ROBO1: variants seen among roughly 807,000 people sequenced by gnomAD.
ROBO1 encodes the protein roundabout guidance receptor 1, also known as roundabout homolog 1.
Under a neutral mutation model 195.9 loss-of-function variants are expected in ROBO1, and 149 were observed. The ratio of observed to expected loss-of-function variants is 0.76; its 90% CI spans 0.67 to 0.87. The LOEUF is 0.87. ROBO1 is among the 40% of genes least tolerant of loss of function. ROBO1 has a pLI of 0.00. For missense variants in ROBO1, 1,933 were observed against 2,068.3 expected, an observed-to-expected ratio of 0.93 and a Z score of 1.27; for synonymous variants, 816 against 733.2, an observed-to-expected ratio of 1.11 and a Z score of -1.82.
chr3:79,095,611 T>A (rs2079552861), intron 3 of ROBO1, among the ~76,000 whole-genome samples: 2 of 152,104 alleles, frequency 1.3e-5, no homozygotes, highest in African/African-American at 4.8e-5. Flanking sequence ...ACTCCTGGAT[T>A]CTTTACCTTT....
chr3:79,379,795 G>A (rs1429492605), intron 2 of ROBO1, among the ~76,000 whole-genome samples: 1 of 152,048 alleles, frequency 6.6e-6, no homozygotes, highest in Non-Finnish European at 1.5e-5. Flanking sequence ...ACAAAAATCA[G>A]ACTCACTTGT....
Position 78,871,137 on chromosome 3 carries a change from T to C in ROBO1, c.499+67464A>G, listed in dbSNP as rs148810352. ...TTGTTTGATTCCAAGAGTCACCTTC[T>C]GAAAGAAAGCAAACCCAAAGCCATG... On this transcript the variant is annotated intron_variant, in intron 4 of 30. Transcript: ENST00000464233. Among the ~76,000 whole-genome samples, 30 of 152,240 alleles carry C rather than the reference T, an allele frequency of 2.0e-4. No homozygotes were observed. In the East Asian group the frequency reaches 4.4e-3, roughly 23 times the overall value.
intron 4 of ROBO1, among the ~76,000 whole-genome samples, chr3:78,841,575 A>G (rs528994452): frequency 1.4e-4 from 22 of 152,308 alleles, no homozygotes; most frequent in Admixed American, 5.9e-4. Flanking sequence ...GAAATAATTT[A>G]AGCCCTGGGC....
intron 2 of ROBO1, among the ~76,000 whole-genome samples, chr3:79,509,248 T>A (rs1244286681): frequency 1.3e-5 from 2 of 152,118 alleles, no homozygotes; most frequent in East Asian, 1.9e-4. Context: ...CTTTATTATT[T>A]TTTTTTTCTG....
intron 3 of ROBO1, among the ~76,000 whole-genome samples, chr3:79,121,167 G>GA (rs1424660978): frequency 1.3e-5 from 2 of 152,114 alleles, no homozygotes; most frequent in Non-Finnish European, 2.9e-5. Context: ...AAAGTGCTCA[G>GA]AAAATGGCCT....
At chr3:78,724,993 C>T (rs1391511823) in intron 5 of ROBO1, among the ~76,000 whole-genome samples, 5 of 152,140 alleles carry the variant, frequency 3.3e-5, no homozygotes, top group Non-Finnish European at 7.3e-5. Flanking sequence ...CAATGTTAAA[C>T]ACTGAACTGC....
At chr3:78,928,226 A>C (rs2039320733) in intron 4 of ROBO1, among the ~76,000 whole-genome samples, 1 of 152,224 alleles carries the variant, frequency 6.6e-6, no homozygotes, top group Admixed American at 6.5e-5. Context: ...GTAACTAAAA[A>C]GAGTATCCAC....
chr3:78,626,131 C>A (rs1036754975), intron 26 of ROBO1, among the ~76,000 whole-genome samples: 3 of 151,912 alleles, frequency 2.0e-5, no homozygotes, highest in African/African-American at 7.3e-5. Context: ...AAAGGTAAGA[C>A]AAGGGAACAA....
At chr3:78,602,357 A>T (rs1005203144) in intron 29 of ROBO1, among the ~76,000 whole-genome samples, 1 of 152,066 alleles carries the variant, frequency 6.6e-6, no homozygotes, top group Non-Finnish European at 1.5e-5. Context: ...TTCCGCCATG[A>T]TTCTAAGCTT....
At chr3:79,468,643 T>TA (rs1490439080) in intron 2 of ROBO1, among the ~76,000 whole-genome samples, 1 of 152,156 alleles carries the variant, frequency 6.6e-6, no homozygotes, top group African/African-American at 2.4e-5. Context: ...TTCATTTTTT[T>TA]ATTGAGCACC....
chr3:79,577,848 G>T (rs2107776930), intron 2 of ROBO1, among the ~76,000 whole-genome samples: 1 of 151,952 alleles, frequency 6.6e-6, no homozygotes, highest in South Asian at 2.1e-4. Flanking sequence ...GGAGGCAGAG[G>T]TTGCAGTGAG....
intron 2 of ROBO1, among the ~76,000 whole-genome samples, chr3:79,584,284 A>G (rs1453849405): frequency 1.4e-5 from 2 of 147,876 alleles, no homozygotes; most frequent in African/African-American, 2.5e-5. Context: ...ATATATTACT[A>G]CATATATATA....
chr3:79,069,527 T>G (rs1172509939), intron 3 of ROBO1, among the ~76,000 whole-genome samples: 1 of 151,980 alleles, frequency 6.6e-6, no homozygotes, highest in Non-Finnish European at 1.5e-5. Flanking sequence ...AATGACATCC[T>G]TTTGCTCTTA....
At chr3:79,296,517 T>C (rs1278732457) in intron 2 of ROBO1, among the ~76,000 whole-genome samples, 1 of 152,176 alleles carries the variant, frequency 6.6e-6, no homozygotes, top group African/African-American at 2.4e-5. Flanking sequence ...CATCAAGTGC[T>C]AACCCAAACC....
intron 10 of ROBO1, among the ~76,000 whole-genome samples, chr3:78,671,139 CTATGAT>C (rs1269795724): frequency 6.6e-6 from 1 of 152,024 alleles, no homozygotes; most frequent in Non-Finnish European, 1.5e-5. Flanking sequence ...ACAATTAACC[CTATGAT>C]TACATGAAAA....
chr3:79,161,047 GT>G (rs557908512), intron 2 of ROBO1, among the ~76,000 whole-genome samples: 3 of 152,024 alleles, frequency 2.0e-5, no homozygotes, highest in Non-Finnish European at 4.4e-5. Flanking sequence ...ATGATAAAAA[GT>G]CAAGGTATTT....
At chr3:78,746,688 A>C (rs539697657) in intron 5 of ROBO1, 55 bp downstream of exon 5, 1 of 1,308,706 alleles carries the variant, frequency 7.6e-7, no homozygotes, top group South Asian at 2.8e-5. Flanking sequence ...TTCTTTGGTA[A>C]AGATACACAC....
intron 4 of ROBO1, among the ~76,000 whole-genome samples, chr3:78,843,825 AAATT>A (rs1455409781): frequency 6.6e-6 from 1 of 152,106 alleles, no homozygotes. Flanking sequence ...CCTATATAAT[AAATT>A]AAGCTCTCAA....
chr3:79,683,415 C>T (rs1452149614), intron 1 of ROBO1, among the ~76,000 whole-genome samples: 1 of 152,014 alleles, frequency 6.6e-6, no homozygotes, highest in Non-Finnish European at 1.5e-5. Context: ...AAATTGAGAT[C>T]AACTACATGT....
Sources: allele counts gnomAD v4.1 joint callset (sites outside exome capture counted in the v4.1 genomes callset), GRCh38; gene constraint gnomAD v4.1.1; transcripts MANE v1.5; gene names NCBI Gene and HGNC (gene_info 2026-07-23, HGNC 2026-07-21).